The following PATJ variants were observed in gnomAD, a reference collection of about 807,000 sequenced individuals.
PATJ encodes PATJ crumbs cell polarity complex component, also known as inaD-like protein.
Under a neutral mutation model 224.9 loss-of-function variants are expected in PATJ, and 190 were observed. The observed-to-expected ratio is 0.84, with a 90% CI of 0.75 to 0.95. PATJ has a LOEUF of 0.95. Ranked by LOEUF, PATJ falls within the 40% of genes least tolerant of loss-of-function variation. PATJ has a pLI of 0.00. For missense variants in PATJ, 2,121 were observed against 2,270.3 expected, an observed-to-expected ratio of 0.93 and a Z score of 1.34; for synonymous variants, 769 against 820.3, an observed-to-expected ratio of 0.94 and a Z score of 1.07.
At chr1:61,888,352 C>T (rs775148773) in intron 22 of PATJ, among the ~76,000 whole-genome samples, 4 of 152,194 alleles carry the variant, frequency 2.6e-5, no homozygotes, top group Admixed American at 6.5e-5. Context: ...TCTCAGCTCA[C>T]TGCAACCTCC....
intron 33 of PATJ, among the ~76,000 whole-genome samples, chr1:62,098,411 A>G (rs1238481438): frequency 6.6e-6 from 1 of 151,774 alleles, no homozygotes; most frequent in Non-Finnish European, 1.5e-5. Flanking sequence ...CCTGGCCAAC[A>G]TGGCGAAACC....
intron 33 of PATJ, among the ~76,000 whole-genome samples, chr1:62,104,375 C>G (rs199837165): frequency 6.6e-6 from 1 of 152,130 alleles, no homozygotes; most frequent in East Asian, 1.9e-4. Context: ...CTGTTCCACT[C>G]TCTGAATTGC....
At chr1:61,796,798 TCTTCCTTCCTTCTCCTTC>T in intron 10 of PATJ, among the ~76,000 whole-genome samples, 2 of 145,340 alleles carry the variant, frequency 1.4e-5, no homozygotes. Context: ...CCCCTTCCTC[TCTTCCTTCCTTCTCCTTC>T]CTTCCTTCCT....
At chr1:61,856,440 G>A (rs896456948) in intron 18 of PATJ, among the ~76,000 whole-genome samples, 2 of 152,090 alleles carry the variant, frequency 1.3e-5, no homozygotes, top group African/African-American at 4.8e-5. Flanking sequence ...GGATTTAAAG[G>A]TTATATTCAT....
At position 61,769,270 on chromosome 1, in the gene PATJ, G is replaced by A. The variant is rs758920120; in HGVS notation, c.385-13G>A. ...TACACCATTGACTTTTTTTTTTAAC[G>A]CTCCTTCATTAGGGCCGGCAAATTG... On this transcript the variant is annotated splice_polypyrimidine_tract_variant and intron_variant, in intron 4 of 43. Coordinates refer to ENST00000642238, the MANE Select transcript of PATJ (RefSeq NM_001350145.3). 4.4e-6 allele frequency: 7 copies of A among 1,582,304 alleles called. No homozygotes were observed. The highest frequency in any genetic ancestry group is 2.8e-5 in the African/African-American group (2 of 72,338).
At chr1:61,753,547 CTG>C (rs1428256564) in intron 1 of PATJ, among the ~76,000 whole-genome samples, 3 of 150,020 alleles carry the variant, frequency 2.0e-5, no homozygotes, top group East Asian at 3.9e-4. Flanking sequence ...GAGTCTCACT[CTG>C]TCACGGCTGG....
chr1:62,153,348 G>C lies in PATJ; in HGVS notation c.5379-10G>C. 1 of 1,230,566 alleles carries C rather than the reference G, an allele frequency of 8.1e-7. No homozygotes were observed. The highest frequency in any genetic ancestry group is 1.0e-6 in the Non-Finnish European group (1 of 986,586). The allele number at this position is 1,230,566 out of a possible 1,614,324, so 76.2% of individuals were successfully genotyped here. A position where few individuals can be genotyped will look rare whatever the true frequency, so the allele number is the denominator to read the frequency against. On this transcript the variant is annotated splice_polypyrimidine_tract_variant and intron_variant, in intron 42 of 43. Transcript: ENST00000642238. Reference sequence around the variant, plus strand: ...ATTCTCGAATTAAACAGCATGCATTGTGTTTTCAGAACACCTCCACCTAAG... The same window carrying C: ...ATTCTCGAATTAAACAGCATGCATTCTGTTTTCAGAACACCTCCACCTAAG...
chr1:62,004,468 G>A (rs1645973986), intron 28 of PATJ, among the ~76,000 whole-genome samples: 1 of 152,112 alleles, frequency 6.6e-6, no homozygotes, highest in Non-Finnish European at 1.5e-5. Flanking sequence ...CTAAAAATGA[G>A]TTACTTATAC....
chr1:62,039,446 G>A (rs1471090658), intron 30 of PATJ, among the ~76,000 whole-genome samples: 1 of 152,122 alleles, frequency 6.6e-6, no homozygotes, highest in African/African-American at 2.4e-5. Flanking sequence ...AGAGATCTAG[G>A]TGTGAATAAA....
chr1:61,952,504 T>C, intron 27 of PATJ: 1 of 698,322 alleles, frequency 1.4e-6, no homozygotes, highest in Non-Finnish European at 2.7e-6. Context: ...TTTAAAGGTT[T>C]AGACAATGGT....
In PATJ at chr1:62,108,405, GT is replaced by G. The variant is rs1355653588; in HGVS notation, c.4378-30del. 5 of 1,424,146 alleles carry G rather than the reference GT, an allele frequency of 3.5e-6. No homozygotes were observed. In the South Asian group the frequency reaches 6.2e-5, roughly 18 times the overall value. The allele number at this position is 1,424,146 out of a possible 1,614,324, so 88.2% of individuals were successfully genotyped here. ...TTTGCTTAAGGAAGCATTTGTGGTT[GT>G]TGAAAATGAGTAAGATTTTATTTTT... is the stretch of plus-strand genomic sequence containing the variant. On this transcript the variant is annotated intron_variant, in intron 33 of 43. Transcript: ENST00000642238.
intron 39 of PATJ, among the ~76,000 whole-genome samples, chr1:62,123,370 G>T (rs2148924783): frequency 6.6e-6 from 1 of 150,840 alleles, no homozygotes; most frequent in African/African-American, 2.4e-5. Context: ...AACAAAAATG[G>T]TATCATGTGG....
intron 1 of PATJ, among the ~76,000 whole-genome samples, chr1:61,753,816 T>C (rs532001083): frequency 8.6e-5 from 13 of 151,476 alleles, no homozygotes; most frequent in African/African-American, 3.1e-4. Flanking sequence ...AGCCTATATA[T>C]TTTATTTATT....
intron 27 of PATJ, among the ~76,000 whole-genome samples, chr1:61,933,075 A>G (rs1676267671): frequency 6.6e-6 from 1 of 152,218 alleles, no homozygotes. Context: ...AAGAAGTCTT[A>G]TAATTGAACT....
chr1:61,858,954 A>G (rs1664134845), intron 18 of PATJ, among the ~76,000 whole-genome samples: 1 of 152,136 alleles, frequency 6.6e-6, no homozygotes, highest in Admixed American at 6.5e-5. Flanking sequence ...TCAACAGATG[A>G]TGCCATGAGG....
rs945913331 is a variant in PATJ at position 61,852,453 on chromosome 1, T to G, written c.2113-3577T>G. Reference sequence around the variant, plus strand: ...ATAAAAACTGATGGGGATTTTGTTTTTAGTAGGAAGACAGTTAAAATAATT... The same window carrying G: ...ATAAAAACTGATGGGGATTTTGTTTGTAGTAGGAAGACAGTTAAAATAATT... On this transcript the variant is annotated intron_variant, in intron 17 of 43. Coordinates refer to ENST00000642238, the MANE Select transcript of PATJ (RefSeq NM_001350145.3). The G allele has an allele frequency of 2.0e-5, 3 of 152,166 alleles. No homozygotes were observed. In the East Asian group the frequency reaches 5.8e-4, roughly 29 times the overall value. 9.4% of individuals were successfully genotyped at this position (152,166 alleles called of 1,614,324 possible).
intron 7 of PATJ, among the ~76,000 whole-genome samples, chr1:61,780,514 A>G (rs755622232): frequency 3.3e-5 from 5 of 152,186 alleles, no homozygotes; most frequent in Non-Finnish European, 7.4e-5. Flanking sequence ...ACAACACAAT[A>G]TTCTTTAAGG....
chr1:61,968,917 A>G (rs1682554294), intron 27 of PATJ, among the ~76,000 whole-genome samples: 1 of 152,184 alleles, frequency 6.6e-6, no homozygotes, highest in Non-Finnish European at 1.5e-5. Flanking sequence ...CCACCATTAC[A>G]GTTTCTGTTT....
intron 27 of PATJ, among the ~76,000 whole-genome samples, chr1:61,945,603 G>C (rs1678566836): frequency 1.3e-5 from 2 of 152,102 alleles, no homozygotes; most frequent in Non-Finnish European, 2.9e-5. Context: ...CCTACAAAGA[G>C]ACTTAGACTC....
Sources: allele counts gnomAD v4.1 joint callset (sites outside exome capture counted in the v4.1 genomes callset), GRCh38; gene constraint gnomAD v4.1.1; transcripts MANE v1.5; gene names NCBI Gene and HGNC (gene_info 2026-07-23, HGNC 2026-07-21).